The following FER1L6 variants were observed in gnomAD, a reference collection of about 807,000 sequenced individuals.
FER1L6 encodes fer-1 like family member 6.
Under a neutral mutation model 219.2 loss-of-function variants are expected in FER1L6, and 177 were observed. The ratio of observed to expected loss-of-function variants is 0.81; its 90% CI spans 0.71 to 0.91. FER1L6 has a LOEUF of 0.91. Among genes scored for constraint, FER1L6 ranks in the 40% least tolerant of loss-of-function variants. The pLI is 0.00. For missense variants in FER1L6, 2,153 were observed against 2,259.9 expected (o/e 0.95, Z 0.96); for synonymous variants, 768 against 824.3 (o/e 0.93, Z 1.17).
intron 12 of FER1L6, among the ~76,000 whole-genome samples, chr8:124,002,547 A>G (rs1817462337): frequency 1.3e-5 from 2 of 152,200 alleles, no homozygotes; most frequent in Non-Finnish European, 2.9e-5. Flanking sequence ...TAGATTACAA[A>G]ATGGAAAGAT....
At chr8:123,996,763 C>T (rs554051832) in intron 12 of FER1L6, among the ~76,000 whole-genome samples, 1 of 152,010 alleles carries the variant, frequency 6.6e-6, no homozygotes, top group East Asian at 1.9e-4. Flanking sequence ...TAATTTCTTG[C>T]TTTTAATTTT....
At chr8:124,028,697 T>G (rs1818823412) in intron 18 of FER1L6, among the ~76,000 whole-genome samples, 1 of 152,250 alleles carries the variant, frequency 6.6e-6, no homozygotes. Flanking sequence ...TGGAAACTCT[T>G]GCAGTGTCAC....
At chr8:124,084,525 G>A (rs1474165601) in intron 33 of FER1L6, among the ~76,000 whole-genome samples, 2 of 152,030 alleles carry the variant, frequency 1.3e-5, no homozygotes, top group Non-Finnish European at 2.9e-5. Context: ...ATGATCATAT[G>A]GTTTGTGTCC....
chr8:123,918,400 T>A (rs1209239250), intron 1 of FER1L6, among the ~76,000 whole-genome samples: 1 of 152,162 alleles, frequency 6.6e-6, no homozygotes, highest in African/African-American at 2.4e-5. Context: ...CCCCAGTTGA[T>A]AAGTATTTGA....
At chr8:124,060,484 G>A in intron 23 of FER1L6, 64 bp from the exon 24 acceptor site, 1 of 1,591,294 alleles carries the variant, frequency 6.3e-7, no homozygotes. Flanking sequence ...TCCACACAGA[G>A]CCAGGGCAGG....
At chr8:124,115,739 G>A (rs906417999) in intron 39 of FER1L6, among the ~76,000 whole-genome samples, 5 of 152,126 alleles carry the variant, frequency 3.3e-5, no homozygotes, top group Admixed American at 1.3e-4. Context: ...CAAAGCAACC[G>A]TATAGGGTAC....
At chr8:124,068,019 CA>C (rs976023311) in intron 28 of FER1L6, among the ~76,000 whole-genome samples, 1 of 152,142 alleles carries the variant, frequency 6.6e-6, no homozygotes, top group Non-Finnish European at 1.5e-5. Flanking sequence ...GAATTCAGCT[CA>C]GTGCTGGAAT....
chr8:124,076,330 G>A lies in FER1L6; in HGVS notation c.4220+5G>A. On this transcript the variant is annotated splice_donor_5th_base_variant and intron_variant, in intron 32 of 40. Coordinates refer to ENST00000522917, the MANE Select transcript of FER1L6 (RefSeq NM_001039112.2). ...ACTGAACCCAGTATTTGGAAGGTCA[G>A]TGGCCATCTGGGCTGTGTTTTATTG... The A allele has an allele frequency of 6.2e-7, 1 of 1,613,006 alleles. No individual in the cohort carries two copies. Among genetic ancestry groups the A allele is most frequent in the South Asian group, 1.1e-5 (1 of 91,042 alleles).
chr8:124,068,936 CT>C lies in FER1L6; in HGVS notation c.3719-408del, dbSNP rs528179923. Reference sequence around the variant, plus strand: ...AAAGAAGGGTCACAAGTTACTATTTCTTTTTTTTTTTTTTTTCCGAGACGGA... The same window carrying C: ...AAAGAAGGGTCACAAGTTACTATTTCTTTTTTTTTTTTTTTCCGAGACGGA... On this transcript the variant is annotated intron_variant, in intron 28 of 40. Transcript: ENST00000522917. 3.7e-3 allele frequency among the ~76,000 whole-genome samples: 510 copies of C among 139,358 alleles called. 1 individual carries two copies. The highest frequency in any genetic ancestry group is 7.4e-3 in the Middle Eastern group (2 of 270). 91.4% of individuals were successfully genotyped at this position (139,358 alleles called of 152,430 possible). A position where few individuals can be genotyped will look rare whatever the true frequency, so the allele number is the denominator to read the frequency against.
intron 22 of FER1L6, among the ~76,000 whole-genome samples, chr8:124,057,935 TACC>T (rs1388961595): frequency 2.6e-5 from 4 of 151,476 alleles, no homozygotes; most frequent in Non-Finnish European, 4.4e-5. Flanking sequence ...CATGTCTGAT[TACC>T]ACATTATCTG....
At chr8:123,939,640 T>A (rs1814150497) in intron 1 of FER1L6, among the ~76,000 whole-genome samples, 1 of 152,182 alleles carries the variant, frequency 6.6e-6, no homozygotes, top group East Asian at 1.9e-4. Context: ...AGGAGTCTCA[T>A]GTCTTGCAGG....
intron 1 of FER1L6, among the ~76,000 whole-genome samples, chr8:123,889,363 G>T (rs1812597422): frequency 6.6e-6 from 1 of 152,106 alleles, no homozygotes; most frequent in South Asian, 2.1e-4. Flanking sequence ...TGAACTTTTT[G>T]TGTAACTTAA....
At chr8:123,866,739 T>C (rs1215708775) in intron 1 of FER1L6, among the ~76,000 whole-genome samples, 1 of 152,086 alleles carries the variant, frequency 6.6e-6, no homozygotes, top group Non-Finnish European at 1.5e-5. Context: ...TGCCTCAGCC[T>C]CCCGAGTAGT....
At chr8:123,888,599 T>C (rs146769590) in intron 1 of FER1L6, among the ~76,000 whole-genome samples, 7 of 152,298 alleles carry the variant, frequency 4.6e-5, no homozygotes, top group African/African-American at 1.4e-4. Context: ...GCCCCAGTAT[T>C]CTTTGGAGAT....
At chr8:124,042,083 C>T (rs546329935) in intron 20 of FER1L6, among the ~76,000 whole-genome samples, 1 of 152,294 alleles carries the variant, frequency 6.6e-6, no homozygotes, top group African/African-American at 2.4e-5. Context: ...TGGAGCCCTC[C>T]TCCACCTGCC....
chr8:124,059,313 G>A (rs1237032608), intron 22 of FER1L6, among the ~76,000 whole-genome samples: 2 of 152,230 alleles, frequency 1.3e-5, no homozygotes, highest in Non-Finnish European at 2.9e-5. Flanking sequence ...GGGTCACACA[G>A]CAGAGCCTTA....
chr8:123,888,117 C>CT (rs77546163), intron 1 of FER1L6, among the ~76,000 whole-genome samples: 89,386 of 150,490 alleles, frequency 0.59, 26,606 homozygotes, highest in South Asian at 0.74. Context: ...CTGATATTCT[C>CT]TTTTTTTTTC....
At chr8:123,931,213 C>G (rs749000509) in intron 1 of FER1L6, among the ~76,000 whole-genome samples, 1 of 152,094 alleles carries the variant, frequency 6.6e-6, no homozygotes, top group African/African-American at 2.4e-5. Flanking sequence ...GCCCAATAAC[C>G]AGGGCAGGGT....
At chr8:123,982,350 A>C (rs75996514) in intron 11 of FER1L6, among the ~76,000 whole-genome samples, 68 of 152,302 alleles carry the variant, frequency 4.5e-4, no homozygotes, top group Non-Finnish European at 8.7e-4. Flanking sequence ...AAATATCTTT[A>C]AGATATTTTG....
Sources: allele counts gnomAD v4.1 joint callset (sites outside exome capture counted in the v4.1 genomes callset), GRCh38; gene constraint gnomAD v4.1.1; transcripts MANE v1.5; gene names NCBI Gene and HGNC (gene_info 2026-07-23, HGNC 2026-07-21).